Variants in FSTL5 observed in about 807,000 individuals in gnomAD.
FSTL5 encodes the protein follistatin like 5.
FSTL5 carries 62 observed loss-of-function variants against 89.1 expected under a neutral mutation model. That is an observed-to-expected ratio of 0.70 (90% CI 0.57 to 0.86). The LOEUF (loss-of-function observed/expected upper bound fraction) is 0.86, where lower values mean the gene tolerates loss of function less well. Among genes scored for constraint, FSTL5 ranks in the 40% least tolerant of loss-of-function variants. The pLI is 0.00. For synonymous variants in FSTL5, 383 were observed against 346.2 expected, an observed-to-expected ratio of 1.11 and a Z score of -1.18; for missense variants, 1,057 against 1,001.6, an observed-to-expected ratio of 1.06 and a Z score of -0.75.
At chr4:161,857,324 A>G (rs997052793) in intron 4 of FSTL5, among the ~76,000 whole-genome samples, 1 of 152,200 alleles carries the variant, frequency 6.6e-6, no homozygotes, top group East Asian at 1.9e-4. Context: ...GAAGGGAAAG[A>G]AGGGAGAAAT....
intron 2 of FSTL5, among the ~76,000 whole-genome samples, chr4:162,060,100 A>G (rs1022980648): frequency 1.3e-5 from 2 of 152,134 alleles, no homozygotes; most frequent in African/African-American, 4.8e-5. Flanking sequence ...ACACATCACA[A>G]TTGAAGTTAA....
chr4:162,052,240 A>G (rs190523693), intron 2 of FSTL5, among the ~76,000 whole-genome samples: 2 of 151,650 alleles, frequency 1.3e-5, no homozygotes, highest in Non-Finnish European at 1.5e-5. Context: ...GAAGAAAAAT[A>G]AAACTTACAT....
chr4:161,513,025 T>C (rs1050250498), intron 10 of FSTL5, among the ~76,000 whole-genome samples: 1 of 152,066 alleles, frequency 6.6e-6, no homozygotes, highest in Non-Finnish European at 1.5e-5. Flanking sequence ...GGCTCTACTC[T>C]GTAAATCTGT....
At chr4:162,045,105 C>A (rs1469460809) in intron 2 of FSTL5, among the ~76,000 whole-genome samples, 1 of 152,154 alleles carries the variant, frequency 6.6e-6, no homozygotes, top group African/African-American at 2.4e-5. Flanking sequence ...AGAGGCTTAG[C>A]TTTCAGCCTG....
At chr4:161,618,719 G>A (rs150597805) in intron 7 of FSTL5, among the ~76,000 whole-genome samples, 1 of 152,006 alleles carries the variant, frequency 6.6e-6, no homozygotes, top group Admixed American at 6.6e-5. Flanking sequence ...TGCTGGATTC[G>A]TTTTGCCAGT....
intron 3 of FSTL5, among the ~76,000 whole-genome samples, chr4:162,002,794 G>GT (rs200983257): frequency 2.5e-4 from 34 of 137,698 alleles, no homozygotes; most frequent in South Asian, 7.1e-4. Flanking sequence ...TATTATTGTT[G>GT]TTTTTTTTTT....
intron 6 of FSTL5, among the ~76,000 whole-genome samples, chr4:161,733,427 T>C (rs1739683715): frequency 6.6e-6 from 1 of 151,976 alleles, no homozygotes; most frequent in Non-Finnish European, 1.5e-5. Flanking sequence ...AAGAGTGTTA[T>C]TTTCAAACAA....
intron 2 of FSTL5, among the ~76,000 whole-genome samples, chr4:162,043,742 T>C (rs1436684293): frequency 2.6e-5 from 4 of 152,202 alleles, no homozygotes; most frequent in Non-Finnish European, 4.4e-5. Flanking sequence ...TACGTTTATG[T>C]AATATTCTAA....
At chr4:162,055,563 A>ATAGT (rs200456897) in intron 2 of FSTL5, among the ~76,000 whole-genome samples, 4 of 151,496 alleles carry the variant, frequency 2.6e-5, no homozygotes, top group African/African-American at 9.7e-5. Flanking sequence ...AGATAGATAG[A>ATAGT]CAAATTGTAA....
chr4:161,863,571 C>T (rs528004016), intron 4 of FSTL5, among the ~76,000 whole-genome samples: 1 of 152,282 alleles, frequency 6.6e-6, no homozygotes, highest in East Asian at 1.9e-4. Flanking sequence ...GCATCATAAA[C>T]TCAACCTGTG....
At chr4:162,032,108 C>T (rs1205931264) in intron 3 of FSTL5, among the ~76,000 whole-genome samples, 1 of 152,092 alleles carries the variant, frequency 6.6e-6, no homozygotes, top group Non-Finnish European at 1.5e-5. Context: ...ATTTCTACTA[C>T]TTCAGATGAC....
At chr4:161,817,393 T>G (rs78065073) in intron 4 of FSTL5, among the ~76,000 whole-genome samples, 2,614 of 152,274 alleles carry the variant, frequency 0.017, 93 homozygotes, top group African/African-American at 0.058. Flanking sequence ...ATTAGAAAAG[T>G]CAATCTCAAG....
At chr4:162,022,499 A>C (rs2111161625) in intron 3 of FSTL5, among the ~76,000 whole-genome samples, 1 of 152,264 alleles carries the variant, frequency 6.6e-6, no homozygotes, top group African/African-American at 2.4e-5. Context: ...TTTGTATGGC[A>C]AATTAGAAAG....
At chr4:161,725,113 T>C (rs1228729849) in intron 6 of FSTL5, among the ~76,000 whole-genome samples, 13 of 152,086 alleles carry the variant, frequency 8.5e-5, no homozygotes. Context: ...GGAGAATCAC[T>C]TGAACCGGGG....
intron 6 of FSTL5, among the ~76,000 whole-genome samples, chr4:161,718,490 G>A (rs1351818697): frequency 1.3e-4 from 19 of 151,832 alleles, no homozygotes; most frequent in South Asian, 2.1e-4. Flanking sequence ...GTGCAACGGC[G>A]AGATCTCAGC....
chr4:162,026,299 A>ATTTTATTTTTTTTTTTTTTTTTTTT (rs1437294333), intron 3 of FSTL5, among the ~76,000 whole-genome samples: 1 of 10,816 alleles, frequency 9.2e-5, no homozygotes, highest in Non-Finnish European at 1.9e-4. Context: ...CAGCTTATGT[A>ATTTTATTTTTTTTTTTTTTTTTTTT]TTTTCTTTTT....
intron 4 of FSTL5, among the ~76,000 whole-genome samples, chr4:161,848,995 G>A (rs1731466715): frequency 6.6e-6 from 1 of 152,062 alleles, no homozygotes; most frequent in Admixed American, 6.6e-5. Flanking sequence ...GGCTCCCTTG[G>A]GGAAGGAATG....
intron 8 of FSTL5, among the ~76,000 whole-genome samples, chr4:161,551,213 G>C (rs1416234381): frequency 6.7e-6 from 1 of 149,532 alleles, no homozygotes; most frequent in Non-Finnish European, 1.5e-5. Context: ...GTGTAAAAGT[G>C]TTCCTATTTC....
chr4:162,135,863 C>T (rs895400849), intron 1 of FSTL5, among the ~76,000 whole-genome samples: 4 of 151,938 alleles, frequency 2.6e-5, no homozygotes, highest in East Asian at 1.9e-4. Flanking sequence ...TACTACTTCT[C>T]GGAAGGATGT....
Sources: gnomAD v4.1 joint callset for allele counts (sites outside exome capture counted in the v4.1 genomes callset) on GRCh38, gnomAD v4.1.1 for gene constraint, MANE v1.5 for transcripts, NCBI Gene and HGNC (gene_info 2026-07-23, HGNC 2026-07-21) for gene names.